TRIM24: variants seen among roughly 807,000 people sequenced by gnomAD.
TRIM24 encodes tripartite motif containing 24.
Under a neutral mutation model 123.9 loss-of-function variants are expected in TRIM24, and 29 were observed. The observed-to-expected ratio is 0.23, with a 90% CI of 0.17 to 0.32. The LOEUF is 0.32. Ranked by LOEUF, TRIM24 falls within the 10% of genes least tolerant of loss-of-function variation. The probability of loss-of-function intolerance (pLI) is 1.00; values close to 1 mark genes in which losing one functional copy is unlikely to be tolerated. For synonymous variants in TRIM24, 456 were observed against 461.1 expected (o/e 0.99, Z 0.14); for missense variants, 932 against 1,295.3 (o/e 0.72, Z 4.31).
At chr7:138,537,385 T>TG (rs1282372203) in intron 6 of TRIM24, among the ~76,000 whole-genome samples, 12 of 124,502 alleles carry the variant, frequency 9.6e-5, no homozygotes, top group Middle Eastern at 4.1e-3. Flanking sequence ...GTTTGTTTTT[T>TG]TTTTTTTTTT....
chr7:138,574,403 T>C (rs945632221), intron 12 of TRIM24, among the ~76,000 whole-genome samples: 1 of 152,218 alleles, frequency 6.6e-6, no homozygotes, highest in Non-Finnish European at 1.5e-5. Flanking sequence ...ACAATTTAAA[T>C]GGGGATGCCC....
chr7:138,576,675 T>A (rs1229669578), intron 13 of TRIM24, among the ~76,000 whole-genome samples: 1 of 152,066 alleles, frequency 6.6e-6, no homozygotes, highest in Non-Finnish European at 1.5e-5. Context: ...AAATAAGAAA[T>A]GTTGGATATT....
chr7:138,460,575 G>GGCGGCGGCGGCA lies in TRIM24; in HGVS notation c.33_44dup (p.Ala12_Ala15dup). The GGCGGCGGCGGCA allele has an allele frequency of 7.6e-7, 1 of 1,314,836 alleles. No homozygotes were observed. Among genetic ancestry groups the GGCGGCGGCGGCA allele is most frequent in the Non-Finnish European group, 9.6e-7 (1 of 1,042,502 alleles). The allele number at this position is 1,314,836 out of a possible 1,614,324, so 81.4% of individuals were successfully genotyped here. A position where few individuals can be genotyped will look rare whatever the true frequency, so the allele number is the denominator to read the frequency against. ...TGGAGGTGGCGGTGGAGAAGGCGGTGGCGGCGGCGGCAGCGGCCTCGGCTG... is the reference window on the plus strand; with the variant it reads ...TGGAGGTGGCGGTGGAGAAGGCGGTGGCGGCGGCGGCAGCGGCGGCGGCAGCGGCCTCGGCTG... On this transcript the variant is annotated inframe_insertion, in exon 1 of 19. Transcript: ENST00000343526.
At chr7:138,508,726 T>TGTGTGTGC (rs1554436750) in intron 2 of TRIM24, among the ~76,000 whole-genome samples, 25 of 149,056 alleles carry the variant, frequency 1.7e-4, no homozygotes, top group East Asian at 1.4e-3. Context: ...TGTGCGTGTG[T>TGTGTGTGC]GTGTGTGTGT....
chr7:138,506,512 A>G (rs17169607), intron 2 of TRIM24, among the ~76,000 whole-genome samples: 2,274 of 152,336 alleles, frequency 0.015, 68 homozygotes, highest in African/African-American at 0.052. Flanking sequence ...TAATCTTCAA[A>G]TGTAAAGTAG....
chr7:138,469,624 A>T (rs1447405604), intron 1 of TRIM24, among the ~76,000 whole-genome samples: 1 of 152,166 alleles, frequency 6.6e-6, no homozygotes, highest in Non-Finnish European at 1.5e-5. Context: ...CAGCATTTTG[A>T]ATACACACTT....
chr7:138,585,103 CCAT>C lies in TRIM24; in HGVS notation c.*153_*155del. The C allele has an allele frequency of 1.8e-6, 1 of 550,504 alleles. No homozygotes were observed. The highest frequency in any genetic ancestry group is 1.9e-5 in the African/African-American group (1 of 51,300). 34.1% of individuals were successfully genotyped at this position (550,504 alleles called of 1,614,324 possible). ...ACTAGACTTTGATTTCCTTAATAGC[CCAT>C]TTCTGTTAACCTCTTATCACTAAGA... On this transcript the variant is annotated 3_prime_UTR_variant, in exon 19 of 19. Transcript: ENST00000343526.
At chr7:138,475,661 G>A (rs1156846749) in intron 1 of TRIM24, among the ~76,000 whole-genome samples, 1 of 152,092 alleles carries the variant, frequency 6.6e-6, no homozygotes, top group Non-Finnish European at 1.5e-5. Flanking sequence ...CAGGAGCGAT[G>A]CACCATACCC....
chr7:138,547,167 C>A (rs1797118365), intron 7 of TRIM24, among the ~76,000 whole-genome samples: 1 of 152,126 alleles, frequency 6.6e-6, no homozygotes, highest in Non-Finnish European at 1.5e-5. Flanking sequence ...ATATTTACTT[C>A]ATGATCTCAC....
At chr7:138,582,965 T>A (rs964163534) in intron 17 of TRIM24, among the ~76,000 whole-genome samples, 1 of 152,216 alleles carries the variant, frequency 6.6e-6, no homozygotes, top group East Asian at 1.9e-4. Flanking sequence ...AATTGTACTT[T>A]TTATTATCCT....
intron 10 of TRIM24, among the ~76,000 whole-genome samples, chr7:138,568,286 A>C (rs1797576546): frequency 6.9e-6 from 1 of 144,772 alleles, no homozygotes; most frequent in African/African-American, 2.5e-5. Flanking sequence ...CGCCCAGCTA[A>C]TTTTTTTTGT....
intron 12 of TRIM24, among the ~76,000 whole-genome samples, chr7:138,575,984 A>G (rs1025794957): frequency 2.0e-5 from 3 of 152,094 alleles, no homozygotes; most frequent in African/African-American, 7.2e-5. Context: ...TCTCACTGAG[A>G]TCTTACCCCT....
chr7:138,473,814 A>G (rs1185793513), intron 1 of TRIM24, among the ~76,000 whole-genome samples: 1 of 152,240 alleles, frequency 6.6e-6, no homozygotes, highest in Non-Finnish European at 1.5e-5. Flanking sequence ...TTTGGACAAT[A>G]GAAACCTCTT....
intron 7 of TRIM24, among the ~76,000 whole-genome samples, chr7:138,550,631 C>G (rs1797192572): frequency 1.3e-5 from 2 of 152,052 alleles, no homozygotes; most frequent in South Asian, 4.1e-4. Context: ...TAACAAGGAA[C>G]AAGGAGAACC....
chr7:138,541,301 A>G (rs1490625961), intron 7 of TRIM24, among the ~76,000 whole-genome samples: 4 of 152,108 alleles, frequency 2.6e-5, no homozygotes, highest in African/African-American at 9.7e-5. Context: ...GGAGAAAAAA[A>G]AAGACATGAG....
At chr7:138,472,361 T>C (rs938731842) in intron 1 of TRIM24, among the ~76,000 whole-genome samples, 1 of 151,478 alleles carries the variant, frequency 6.6e-6, no homozygotes, top group African/African-American at 2.4e-5. Flanking sequence ...TGGGTAGAGA[T>C]TGGTGACTTT....
At chr7:138,541,421 G>T (rs1360061987) in intron 7 of TRIM24, among the ~76,000 whole-genome samples, 1 of 152,186 alleles carries the variant, frequency 6.6e-6, no homozygotes, top group African/African-American at 2.4e-5. Context: ...GTGACCAGTT[G>T]TATTTGTCAA....
chr7:138,542,618 A>T (rs186914338), intron 7 of TRIM24, among the ~76,000 whole-genome samples: 530 of 152,272 alleles, frequency 3.5e-3, no homozygotes, highest in African/African-American at 0.012. Flanking sequence ...AAATTTGTAA[A>T]ATTTACAGTA....
intron 1 of TRIM24, among the ~76,000 whole-genome samples, chr7:138,484,212 T>A (rs111698794): frequency 0.037 from 5,570 of 151,786 alleles, 150 homozygotes; most frequent in Middle Eastern, 0.088. Context: ...CGGGTTCAAG[T>A]TATTCTCCTG....
Sources: allele counts gnomAD v4.1 joint callset (sites outside exome capture counted in the v4.1 genomes callset), GRCh38; gene constraint gnomAD v4.1.1; transcripts MANE v1.5; gene names NCBI Gene and HGNC (gene_info 2026-07-23, HGNC 2026-07-21).